Variants in COL25A1 observed in about 807,000 individuals in gnomAD.
COL25A1 encodes collagen alpha-1(XXV) chain.
COL25A1 carries 103 observed loss-of-function variants against 128.4 expected under a neutral mutation model. That is an observed-to-expected ratio of 0.80 (90% CI 0.68 to 0.94). The LOEUF is 0.94. COL25A1 is among the 40% of genes least tolerant of loss of function. COL25A1 has a pLI of 0.00. For synonymous variants in COL25A1, 279 were observed against 277.2 expected (o/e 1.01, Z -0.06); for missense variants, 745 against 840.0 (o/e 0.89, Z 1.40).
At chr4:109,125,017 A>AC (rs1378649829) in intron 3 of COL25A1, among the ~76,000 whole-genome samples, 3 of 151,872 alleles carry the variant, frequency 2.0e-5, no homozygotes, top group African/African-American at 4.8e-5. Flanking sequence ...ACAAAGCAAA[A>AC]CCCCCCCACA....
In COL25A1 at chr4:109,208,483, T is replaced by TAAAAAA. The variant is rs199675745; in HGVS notation, c.367+92094_367+92099dup. On this transcript the variant is annotated intron_variant, in intron 3 of 37. Coordinates refer to ENST00000399132, the MANE Select transcript of COL25A1 (RefSeq NM_198721.4). ...TTCCAAGAAAGAAGATATCAGTTAA[T>TAAAAAA]AAAAAAAAAAAAAACAAATTATTAA... Among the ~76,000 whole-genome samples the TAAAAAA allele has an allele frequency of 1.9e-3, 268 of 138,298 alleles. 2 individuals are homozygous for TAAAAAA. Among genetic ancestry groups the TAAAAAA allele is most frequent in the African/African-American group, 6.3e-3 (230 of 36,642 alleles). 90.7% of individuals were successfully genotyped at this position (138,298 alleles called of 152,430 possible). A position where few individuals can be genotyped will look rare whatever the true frequency, so the allele number is the denominator to read the frequency against.
At position 108,863,384 on chromosome 4, in the gene COL25A1, C is replaced by T; in HGVS notation, c.1087G>A (p.Glu363Lys). The change falls in exon 21 of 38, where the codon GAA (glutamate) becomes AAA (lysine). Residue 363 changes from glutamate to lysine, a missense_variant. Around this residue, in one of 3 missense-constraint regions of COL25A1, gnomAD observed 387 missense variants for 441.9 expected, o/e 0.88. Transcript: ENST00000399132. ...GLPGLPGTKG[E>K]RGEAGPPGRG... ...CCAGGAGGCCCTGCTTCCCCCCGTTCACCCTGTCACAAATTGCAAAACAGG... is the reference window on the plus strand; with the variant it reads ...CCAGGAGGCCCTGCTTCCCCCCGTTTACCCTGTCACAAATTGCAAAACAGG... 1 of 1,613,688 alleles carries T rather than the reference C, an allele frequency of 6.2e-7. No individual in the cohort carries two copies. The highest frequency in any genetic ancestry group is 1.3e-5 in the African/African-American group (1 of 75,016).
At chr4:109,015,612 A>AAGCT (rs1757140070) in intron 5 of COL25A1, among the ~76,000 whole-genome samples, 1 of 152,204 alleles carries the variant, frequency 6.6e-6, no homozygotes, top group African/African-American at 2.4e-5. Context: ...GTCAACAGCT[A>AAGCT]AATGCAATGC....
At chr4:109,046,957 T>C (rs1760482749) in intron 5 of COL25A1, among the ~76,000 whole-genome samples, 1 of 152,048 alleles carries the variant, frequency 6.6e-6, no homozygotes, top group South Asian at 2.1e-4. Flanking sequence ...CAAAAACACA[T>C]CTAGCTCAGA....
At chr4:109,140,642 A>C (rs1180388691) in intron 3 of COL25A1, among the ~76,000 whole-genome samples, 1 of 152,008 alleles carries the variant, frequency 6.6e-6, no homozygotes, top group African/African-American at 2.4e-5. Context: ...TTGAAGAGGT[A>C]CTTCACATCC....
chr4:108,976,430 TG>T (rs1043222807), intron 6 of COL25A1, among the ~76,000 whole-genome samples: 7 of 152,224 alleles, frequency 4.6e-5, no homozygotes, highest in Admixed American at 4.6e-4. Context: ...TCTATTTTGT[TG>T]GGCAGCTGTC....
intron 3 of COL25A1, among the ~76,000 whole-genome samples, chr4:109,206,965 T>A (rs1419308732): frequency 6.6e-6 from 1 of 152,184 alleles, no homozygotes; most frequent in Admixed American, 6.5e-5. Flanking sequence ...TCATTACGTA[T>A]AGAAATCTGC....
chr4:109,224,401 C>T (rs112531006), intron 3 of COL25A1, among the ~76,000 whole-genome samples: 22 of 152,144 alleles, frequency 1.4e-4, no homozygotes, highest in African/African-American at 4.8e-4. Flanking sequence ...GATTATTTAT[C>T]CTTCTAAGTT....
intron 6 of COL25A1, among the ~76,000 whole-genome samples, chr4:109,007,198 A>G (rs970450898): frequency 6.6e-6 from 1 of 152,232 alleles, no homozygotes; most frequent in Non-Finnish European, 1.5e-5. Flanking sequence ...AAAGTAACAC[A>G]TTACAATAGG....
intron 3 of COL25A1, among the ~76,000 whole-genome samples, chr4:109,113,446 T>C (rs1471740548): frequency 6.6e-6 from 1 of 152,122 alleles, no homozygotes; most frequent in Admixed American, 6.6e-5. Context: ...TGATCTCAAA[T>C]GTAATTTTGT....
chr4:108,907,123 T>A (rs11731391), intron 13 of COL25A1, among the ~76,000 whole-genome samples: 1 of 151,996 alleles, frequency 6.6e-6, no homozygotes, highest in East Asian at 1.9e-4. Flanking sequence ...TCAGTCCGAA[T>A]CACTAGGATT....
intron 11 of COL25A1, among the ~76,000 whole-genome samples, chr4:108,925,147 C>CA (rs1745899496): frequency 6.6e-6 from 1 of 151,922 alleles, no homozygotes; most frequent in South Asian, 2.1e-4. Context: ...CTTTTGTCTA[C>CA]AAAATAAGAC....
intron 8 of COL25A1, among the ~76,000 whole-genome samples, chr4:108,965,459 TAA>T (rs1312658218): frequency 1.3e-5 from 2 of 152,256 alleles, no homozygotes; most frequent in Admixed American, 1.3e-4. Flanking sequence ...TTTTATTGCC[TAA>T]GTTTGATTAA....
chr4:109,032,930 C>G (rs1759005042), intron 5 of COL25A1, among the ~76,000 whole-genome samples: 1 of 152,202 alleles, frequency 6.6e-6, no homozygotes, highest in Admixed American at 6.5e-5. Flanking sequence ...GCATGGCTGA[C>G]TAGCCATCCC....
chr4:109,088,700 G>C (rs949115407), intron 3 of COL25A1, among the ~76,000 whole-genome samples: 1 of 152,206 alleles, frequency 6.6e-6, no homozygotes, highest in Non-Finnish European at 1.5e-5. Flanking sequence ...AAGTGAGACA[G>C]TTTCTCTGCT....
chr4:109,117,257 G>C (rs969573616), intron 3 of COL25A1, among the ~76,000 whole-genome samples: 6 of 151,830 alleles, frequency 4.0e-5, no homozygotes, highest in African/African-American at 1.5e-4. Context: ...ACCAGAGGGG[G>C]AGAAAAACAC....
intron 3 of COL25A1, among the ~76,000 whole-genome samples, chr4:109,080,214 TAAGAA>T (rs1320678965): frequency 1.3e-5 from 2 of 152,194 alleles, no homozygotes; most frequent in African/African-American, 4.8e-5. Flanking sequence ...ATTTTATAGA[TAAGAA>T]AACTGAGGCA....
At chr4:108,834,494 T>C (rs1464309179) in intron 31 of COL25A1, 1 of 973,114 alleles carries the variant, frequency 1.0e-6, no homozygotes, top group Non-Finnish European at 1.6e-6. Flanking sequence ...TCAAACAACA[T>C]AATACGCAGT....
At chr4:108,962,327 A>C (rs1750817662) in intron 8 of COL25A1, among the ~76,000 whole-genome samples, 1 of 151,890 alleles carries the variant, frequency 6.6e-6, no homozygotes, top group African/African-American at 2.4e-5. Flanking sequence ...AGCTGGGACT[A>C]TAGGCGCTAC....
Sources: gnomAD v4.1 joint callset for allele counts (sites outside exome capture counted in the v4.1 genomes callset) on GRCh38, gnomAD v4.1.1 for gene constraint, gnomAD v4.1.1 regional missense constraint, MANE v1.5 for transcripts, NCBI Gene and HGNC (gene_info 2026-07-23, HGNC 2026-07-21) for gene names.